The following BAZ1A variants were observed in gnomAD, a reference collection of about 807,000 sequenced individuals.
BAZ1A encodes the protein bromodomain adjacent to zinc finger domain protein 1A.
BAZ1A carries 50 observed loss-of-function variants against 185.2 expected under a neutral mutation model. That is an observed-to-expected ratio of 0.27 (90% CI 0.22 to 0.34). The LOEUF (loss-of-function observed/expected upper bound fraction) is 0.34, where lower values mean the gene tolerates loss of function less well. Ranked by LOEUF, BAZ1A falls within the 10% of genes least tolerant of loss-of-function variation. The pLI is 1.00. For missense variants in BAZ1A, 1,356 were observed against 1,839.9 expected (o/e 0.74, Z 4.81); for synonymous variants, 571 against 615.6 (o/e 0.93, Z 1.07).
intron 12 of BAZ1A, among the ~76,000 whole-genome samples, chr14:34,787,661 C>T (rs1276798180): frequency 6.6e-6 from 1 of 152,004 alleles, no homozygotes; most frequent in Non-Finnish European, 1.5e-5. Flanking sequence ...CCAGCCTGGG[C>T]GACAGAGTTA....
intron 20 of BAZ1A, among the ~76,000 whole-genome samples, chr14:34,773,221 C>A (rs1273585719): frequency 1.3e-5 from 2 of 151,966 alleles, no homozygotes; most frequent in Non-Finnish European, 2.9e-5. Flanking sequence ...AAATAACATT[C>A]AAGTCTACCA....
chr14:34,774,197 T>A (rs1460018117), intron 19 of BAZ1A, 130 bp downstream of exon 19: 2 of 688,668 alleles, frequency 2.9e-6, no homozygotes, highest in African/African-American at 3.8e-5. Context: ...TAAGTTTTCA[T>A]AAAAAATTTA....
intron 3 of BAZ1A, among the ~76,000 whole-genome samples, chr14:34,830,383 A>G (rs2042223671): frequency 6.6e-6 from 1 of 152,170 alleles, no homozygotes; most frequent in African/African-American, 2.4e-5. Flanking sequence ...AAGGGGCCAG[A>G]CACAAAAGAC....
intron 3 of BAZ1A, among the ~76,000 whole-genome samples, chr14:34,845,957 T>G (rs1055049698): frequency 6.6e-6 from 1 of 152,108 alleles, no homozygotes; most frequent in African/African-American, 2.4e-5. Flanking sequence ...GGAGAGATTA[T>G]TTTATCCAGA....
intron 12 of BAZ1A, among the ~76,000 whole-genome samples, chr14:34,790,249 G>A (rs1351125546): frequency 6.6e-6 from 1 of 151,258 alleles, no homozygotes; most frequent in Non-Finnish European, 1.5e-5. Flanking sequence ...GATCACTGCA[G>A]CCTCAAACTC....
chr14:34,785,514 A>G (rs965113614), intron 14 of BAZ1A, among the ~76,000 whole-genome samples: 1 of 152,234 alleles, frequency 6.6e-6, no homozygotes, highest in Non-Finnish European at 1.5e-5. Flanking sequence ...AGTAAATACA[A>G]GAGAAAGCTA....
chr14:34,808,552 A>C (rs550946976), intron 5 of BAZ1A, among the ~76,000 whole-genome samples: 1 of 152,264 alleles, frequency 6.6e-6, no homozygotes, highest in Admixed American at 6.5e-5. Flanking sequence ...ACTACCAGAA[A>C]TCGTATTAAG....
At position 34,874,229 on chromosome 14, in the gene BAZ1A, C is replaced by T. The variant is rs979949530; in HGVS notation, c.113+263G>A. Reference sequence around the variant, plus strand: ...GAGGGCGGGAGGGCGACAGCAGCGGCTAGGAGCGGTCCCCGAGGCCGGCCA... The same window carrying T: ...GAGGGCGGGAGGGCGACAGCAGCGGTTAGGAGCGGTCCCCGAGGCCGGCCA... On this transcript the variant is annotated intron_variant, in intron 2 of 26. Transcript: ENST00000360310. The surrounding 1 kb of genome is among the most constrained non-coding windows in gnomAD (Gnocchi z 4.7). 3 of 409,950 alleles carry T rather than the reference C, an allele frequency of 7.3e-6. No homozygotes were observed. In the Admixed American group the frequency reaches 1.4e-4, roughly 20 times the overall value. 25.4% of individuals were successfully genotyped at this position (409,950 alleles called of 1,614,324 possible).
intron 26 of BAZ1A, among the ~76,000 whole-genome samples, chr14:34,754,417 C>CG (rs1555336265): frequency 1.0e-4 from 11 of 104,896 alleles, no homozygotes; most frequent in Middle Eastern, 5.3e-3. Context: ...AGACGTATCT[C>CG]AAAAAAAAAA....
intron 3 of BAZ1A, among the ~76,000 whole-genome samples, chr14:34,858,311 G>A (rs1423078647): frequency 6.6e-6 from 1 of 152,104 alleles, no homozygotes; most frequent in African/African-American, 2.4e-5. Context: ...AGACTGGAGT[G>A]CAGTGGCGTG....
chr14:34,788,044 A>T (rs1241288804), intron 12 of BAZ1A, among the ~76,000 whole-genome samples: 1 of 150,660 alleles, frequency 6.6e-6, no homozygotes, highest in Non-Finnish European at 1.5e-5. Context: ...TTGAAGATGG[A>T]GTCTCACTCT....
At chr14:34,786,391 G>A in intron 12 of BAZ1A, 170 bp from the exon 13 acceptor site, 1 of 579,368 alleles carries the variant, frequency 1.7e-6, no homozygotes, top group South Asian at 2.2e-5. Context: ...ACCACCTACA[G>A]CTATAAATCC....
intron 18 of BAZ1A, 28 bp downstream of exon 18, chr14:34,775,891 G>C: frequency 1.3e-6 from 2 of 1,541,368 alleles, no homozygotes; most frequent in South Asian, 2.5e-5. Context: ...GGGAAAAAAA[G>C]TAAAAACAAT....
At chr14:34,786,476 C>T (rs1880446520) in intron 12 of BAZ1A, 2 of 357,112 alleles carry the variant, frequency 5.6e-6, no homozygotes, top group Admixed American at 4.5e-5. Flanking sequence ...ATGAGACGCA[C>T]ATAAACATTC....
chr14:34,755,731 C>CATATAT (rs140471249), intron 25 of BAZ1A, among the ~76,000 whole-genome samples: 6 of 151,070 alleles, frequency 4.0e-5, no homozygotes, highest in South Asian at 2.1e-4. Flanking sequence ...CACATTCTGC[C>CATATAT]ATATATATAT....
chr14:34,867,023 G>A (rs1393307641), intron 2 of BAZ1A, among the ~76,000 whole-genome samples: 1 of 151,612 alleles, frequency 6.6e-6, no homozygotes, highest in Non-Finnish European at 1.5e-5. Context: ...ACTTTGGGAG[G>A]CCGAGGCAGG....
chr14:34,861,972 C>T, intron 3 of BAZ1A, 72 bp downstream of exon 3: 1 of 1,515,986 alleles, frequency 6.6e-7, no homozygotes, highest in Non-Finnish European at 9.0e-7. Context: ...CTTAGGTCAC[C>T]ACTTTGTGTG....
intron 3 of BAZ1A, among the ~76,000 whole-genome samples, chr14:34,852,297 T>C (rs2042610012): frequency 6.6e-6 from 1 of 152,000 alleles, no homozygotes; most frequent in African/African-American, 2.4e-5. Context: ...TTGCAGCCCT[T>C]ACATCACCAC....
chr14:34,752,909 A>G lies in BAZ1A; in HGVS notation c.*599T>C, dbSNP rs1236762669. On this transcript the variant is annotated 3_prime_UTR_variant, in exon 27 of 27. Transcript: ENST00000360310. ...AGTAAAAGGTTTAAAACATTAAGGA[A>G]CATTTTTCAGGTATAAATTTTATAA... 6.6e-6 allele frequency: 1 copy of G among 152,486 alleles called. No homozygotes were observed. Among genetic ancestry groups the G allele is most frequent in the Non-Finnish European group, 1.5e-5 (1 of 68,040 alleles). 9.4% of individuals were successfully genotyped at this position (152,486 alleles called of 1,614,324 possible).
Sources: allele counts gnomAD v4.1 joint callset (sites outside exome capture counted in the v4.1 genomes callset), GRCh38; gene constraint gnomAD v4.1.1; non-coding constraint Gnocchi (gnomAD v3.1); transcripts MANE v1.5; gene names NCBI Gene and HGNC (gene_info 2026-07-23, HGNC 2026-07-21).